The following C12orf42 variants were observed in gnomAD, a reference collection of about 807,000 sequenced individuals.
The protein encoded by C12orf42 is chromosome 12 open reading frame 42.
Under a neutral mutation model 21.6 loss-of-function variants are expected in C12orf42, and 25 were observed. The ratio of observed to expected loss-of-function variants is 1.16; its 90% confidence interval spans 0.84 to 1.62. The LOEUF (loss-of-function observed/expected upper bound fraction) is 1.62, where lower values mean the gene tolerates loss of function less well. Ranked by LOEUF, C12orf42 falls within the 40% of genes most tolerant of loss-of-function variation. The pLI is 0.00. For missense variants in C12orf42, 483 were observed against 459.3 expected, an observed-to-expected ratio of 1.05 and a Z score of -0.47; for synonymous variants, 174 against 175.0, an observed-to-expected ratio of 0.99 and a Z score of 0.05.
the C12orf42 span, among the ~76,000 whole-genome samples, chr12:103,562,233 C>T: frequency 6.6e-6 from 1 of 152,268 alleles, no homozygotes; most frequent in African/African-American, 2.4e-5. Context: ...GTTGGGGCTG[C>T]TGTATTTTCT....
the C12orf42 span, among the ~76,000 whole-genome samples, chr12:103,053,360 C>G: frequency 6.6e-6 from 1 of 151,878 alleles, no homozygotes; most frequent in Non-Finnish European, 1.5e-5. Context: ...TACTGAACAT[C>G]TTTTCATGGG....
chr12:103,159,356 T>C, the C12orf42 span: 1 of 152,202 alleles, frequency 6.6e-6, no homozygotes, highest in East Asian at 1.9e-4. Context: ...ATTAATTTAA[T>C]TCTTAATAAA....
intron 4 of C12orf42, among the ~76,000 whole-genome samples, chr12:103,355,035 ACTATGTACC>A (rs1248319688): frequency 3.3e-5 from 5 of 152,168 alleles, no homozygotes; most frequent in Non-Finnish European, 7.4e-5. Flanking sequence ...ATGTGCGATT[ACTATGTACC>A]CATTACAAAT....
At chr12:103,518,343 C>T in the C12orf42 span, among the ~76,000 whole-genome samples, 281 of 152,292 alleles carry the variant, frequency 1.8e-3, 1 homozygote, top group African/African-American at 6.5e-3. Context: ...ATTGGATTCT[C>T]TAGTGAAATG....
chr12:103,264,888 A>G (rs916339563), downstream of C12orf42, among the ~76,000 whole-genome samples: 1 of 152,102 alleles, frequency 6.6e-6, no homozygotes, highest in Non-Finnish European at 1.5e-5. Flanking sequence ...GCCTATGAGA[A>G]TGGCCCCAAG....
the C12orf42 span, among the ~76,000 whole-genome samples, chr12:103,098,908 G>A: frequency 1.3e-5 from 2 of 152,218 alleles, no homozygotes; most frequent in African/African-American, 2.4e-5. Context: ...AAAGACTGGA[G>A]TTGTAAGCAG....
At chr12:103,120,324 C>A in the C12orf42 span, among the ~76,000 whole-genome samples, 1 of 152,026 alleles carries the variant, frequency 6.6e-6, no homozygotes, top group Admixed American at 6.6e-5. Context: ...TTGTGGAAGG[C>A]CTTATGGAAG....
At chr12:103,494,970 C>A (rs1437620919) in intron 1 of C12orf42, among the ~76,000 whole-genome samples, 1 of 151,960 alleles carries the variant, frequency 6.6e-6, no homozygotes, top group Non-Finnish European at 1.5e-5. Flanking sequence ...CCTAAAAGAT[C>A]CTGAAGTGCG....
At chr12:103,256,129 C>T (rs1308863643) in intron 10 of C12orf42, among the ~76,000 whole-genome samples, 23 of 120,848 alleles carry the variant, frequency 1.9e-4, no homozygotes, top group East Asian at 9.7e-4. Context: ...CACACACACA[C>T]ACACACACAC....
At chr12:103,054,634 A>G in the C12orf42 span, among the ~76,000 whole-genome samples, 1 of 151,988 alleles carries the variant, frequency 6.6e-6, no homozygotes, top group South Asian at 2.1e-4. Flanking sequence ...TGGTGAAAGC[A>G]GGTATCTTTG....
At chr12:103,147,503 C>CTTTTTTTTTTTTTTTTT in the C12orf42 span, among the ~76,000 whole-genome samples, 139 of 99,942 alleles carry the variant, frequency 1.4e-3, no homozygotes, top group Middle Eastern at 5.5e-3. Context: ...CTTTTTTTTT[C>CTTTTTTTTTTTTTTTTT]TTTTTTTTTT....
chr12:103,239,360 T>C (rs930586382), intron 10 of C12orf42, among the ~76,000 whole-genome samples: 1 of 151,782 alleles, frequency 6.6e-6, no homozygotes, highest in Non-Finnish European at 1.5e-5. Flanking sequence ...TCGGACTCCT[T>C]CTTATTTTTC....
chr12:103,316,908 CCT>C (rs2039557285), intron 4 of C12orf42, among the ~76,000 whole-genome samples: 2 of 152,164 alleles, frequency 1.3e-5, no homozygotes, highest in African/African-American at 4.8e-5. Context: ...CGCCATATCA[CCT>C]CTGTCTTCTT....
the C12orf42 span, among the ~76,000 whole-genome samples, chr12:103,156,599 T>C: frequency 2.0e-5 from 3 of 152,156 alleles, no homozygotes; most frequent in Non-Finnish European, 4.4e-5. Flanking sequence ...GCTGCACCTA[T>C]TGACCTGTCC....
the C12orf42 span, among the ~76,000 whole-genome samples, chr12:103,093,299 T>C: frequency 2.6e-5 from 4 of 152,186 alleles, no homozygotes; most frequent in Non-Finnish European, 5.9e-5. Flanking sequence ...TGCAGCAGGA[T>C]ATTTTTGTGA....
chr12:103,203,497 C>G, the C12orf42 span, among the ~76,000 whole-genome samples: 2 of 152,120 alleles, frequency 1.3e-5, no homozygotes, highest in Admixed American at 1.3e-4. Context: ...CTCATAATTA[C>G]TTTAAAAAAA....
At chr12:103,424,779 G>C (rs1031670098) in intron 2 of C12orf42, among the ~76,000 whole-genome samples, 1 of 152,142 alleles carries the variant, frequency 6.6e-6, no homozygotes, top group African/African-American at 2.4e-5. Context: ...AGGAGTTTTT[G>C]TTTTGTTTTG....
intron 1 of C12orf42, among the ~76,000 whole-genome samples, chr12:103,491,934 C>T (rs770215232): frequency 7.0e-6 from 1 of 142,278 alleles, no homozygotes; most frequent in Non-Finnish European, 1.5e-5. Flanking sequence ...TTGTTAGAAA[C>T]TCCTTGTTTT....
intron 5 of C12orf42, among the ~76,000 whole-genome samples, chr12:103,272,496 C>A (rs1464056646): frequency 6.6e-6 from 1 of 152,150 alleles, no homozygotes; most frequent in African/African-American, 2.4e-5. Context: ...AGTACATAAC[C>A]ATTATGTTGA....
Sources: gnomAD v4.1 joint callset for allele counts (sites outside exome capture counted in the v4.1 genomes callset) on GRCh38, gnomAD v4.1.1 for gene constraint, MANE v1.5 for transcripts, NCBI Gene and HGNC (gene_info 2026-07-23, HGNC 2026-07-21) for gene names.